Variants in ARHGAP35 observed in about 807,000 individuals in gnomAD.
ARHGAP35 encodes the protein Rho GTPase activating protein 35, also known as rho GTPase-activating protein 35.
A neutral mutation model predicts 111.1 loss-of-function variants in ARHGAP35; 15 were observed. That is an observed-to-expected ratio of 0.13 (90% CI 0.09 to 0.21). ARHGAP35 has a LOEUF of 0.21. ARHGAP35 is among the 10% of genes least tolerant of loss of function. The pLI is 1.00. For synonymous variants in ARHGAP35, 643 were observed against 710.3 expected (o/e 0.91, Z 1.51); for missense variants, 1,262 against 1,873.0 (o/e 0.67, Z 6.02).
At chr19:46,907,027 C>T (rs972858412) in intron 1 of ARHGAP35, among the ~76,000 whole-genome samples, 6 of 152,100 alleles carry the variant, frequency 3.9e-5, no homozygotes, top group African/African-American at 1.2e-4. Context: ...GAGGTTGAGG[C>T]TGCAGTGAGT....
At position 46,905,417 on chromosome 19, in the gene ARHGAP35, C is replaced by T. The variant is rs187077663; in HGVS notation, c.-188-13071C>T. ...AATAGATGGAGTCTCATTCTGTCAC[C>T]TAGGCTGGAGTGCAGTGGCGCGATC... On this transcript the variant is annotated intron_variant, in intron 1 of 6. Transcript: ENST00000672722. 6.5e-3 allele frequency among the ~76,000 whole-genome samples: 990 copies of T among 151,226 alleles called. 9 individuals are homozygous for T. The highest frequency in any genetic ancestry group is 8.8e-3 in the Non-Finnish European group (598 of 67,862).
intron 3 of ARHGAP35, among the ~76,000 whole-genome samples, chr19:46,939,030 A>G (rs1161801795): frequency 6.7e-6 from 1 of 148,664 alleles, no homozygotes; most frequent in Non-Finnish European, 1.5e-5. Flanking sequence ...AACCAGAGAA[A>G]TAATTCCCCC....
rs908324523 is a variant in ARHGAP35, at chr19:46,994,547, C to G, written c.4037-4757C>G. Among the ~76,000 whole-genome samples, 8 of 152,282 alleles carry G rather than the reference C, an allele frequency of 5.3e-5. No individual in the cohort carries two copies. In the South Asian group the frequency reaches 1.0e-3, roughly 20 times the overall value. ...GCGGGATAGCCCAGTCAGCACCGTG[C>G]TCAGCAAGTAGCAGCCAGCCAGAGG... On this transcript the variant is annotated intron_variant, in intron 5 of 6. Transcript: ENST00000672722. This position sits in a 1 kb window ranked among gnomAD's most constrained non-coding sequence, Gnocchi z 5.4.
At chr19:46,983,215 A>G (rs944188233) in intron 3 of ARHGAP35, among the ~76,000 whole-genome samples, 1 of 152,070 alleles carries the variant, frequency 6.6e-6, no homozygotes, top group Non-Finnish European at 1.5e-5. Context: ...TTTGAGCATC[A>G]TAGAAGAAGA....
At chr19:46,868,141 T>G (rs1295404275) in intron 1 of ARHGAP35, among the ~76,000 whole-genome samples, 1 of 152,228 alleles carries the variant, frequency 6.6e-6, no homozygotes. Context: ...GTGCTGGGAT[T>G]ACAGGTGTGA....
Position 46,919,569 on chromosome 19 carries a change from G to A in ARHGAP35, c.894G>A (p.Lys298=), listed in dbSNP as rs201324485. 6.3e-4 allele frequency: 1,016 copies of A among 1,613,926 alleles called. 2 individuals carry two copies. The highest frequency in any genetic ancestry group is 1.6e-4 in the Non-Finnish European group (194 of 1,179,888). ...AGAACTGGCTGAGTGTCAGCCGAAA[G>A]ATGCAGGCCTCTCCAGAATACCAGG... is the stretch of plus-strand genomic sequence containing the variant. The part of the protein sequence containing the change: ...HNENWLSVSR[K]MQASPEYQDY... The change falls in exon 2 of 7, where the codon AAG becomes AAA. Residue 298 remains lysine, a synonymous_variant. Transcript: ENST00000672722. This position sits in a 1 kb window ranked among gnomAD's most constrained non-coding sequence, Gnocchi z 6.2.
intron 1 of ARHGAP35, among the ~76,000 whole-genome samples, chr19:46,869,542 C>A (rs879470599): frequency 4.6e-5 from 7 of 150,652 alleles, no homozygotes; most frequent in Non-Finnish European, 7.4e-5. Flanking sequence ...TATATAGTTG[C>A]ATTGTGCTTT....
chr19:46,962,674 T>A (rs1177576851), intron 3 of ARHGAP35, among the ~76,000 whole-genome samples: 1 of 152,234 alleles, frequency 6.6e-6, no homozygotes, highest in Non-Finnish European at 1.5e-5. Context: ...TGGTGCGATC[T>A]TGGCTCATTG....
intron 3 of ARHGAP35, among the ~76,000 whole-genome samples, chr19:46,970,226 A>G (rs558130172): frequency 6.6e-6 from 1 of 152,258 alleles, no homozygotes; most frequent in South Asian, 2.1e-4. Context: ...GCCCTAAGCT[A>G]TTTCCATTGG....
At chr19:46,975,552 G>C (rs2056575363) in intron 3 of ARHGAP35, among the ~76,000 whole-genome samples, 3 of 152,192 alleles carry the variant, frequency 2.0e-5, no homozygotes, top group Admixed American at 2.0e-4. Context: ...CCAGAGGACA[G>C]TATTAATCTC....
At chr19:46,890,922 G>C (rs1235344571) in intron 1 of ARHGAP35, among the ~76,000 whole-genome samples, 1 of 152,212 alleles carries the variant, frequency 6.6e-6, no homozygotes, top group East Asian at 1.9e-4. Context: ...GGACTGGACT[G>C]TTTACTTACT....
chr19:46,889,750 CA>C (rs5828291), intron 1 of ARHGAP35, among the ~76,000 whole-genome samples: 54 of 85,242 alleles, frequency 6.3e-4, no homozygotes, highest in South Asian at 2.3e-3. Context: ...GACTCCGTCT[CA>C]AAAAAAAAAA....
At chr19:46,898,227 C>G (rs1025034836) in intron 1 of ARHGAP35, among the ~76,000 whole-genome samples, 13 of 147,748 alleles carry the variant, frequency 8.8e-5, no homozygotes, top group South Asian at 8.5e-4. Context: ...GGCTACAATG[C>G]GAGACTCCGT....
At chr19:46,973,351 G>A (rs763743038) in intron 3 of ARHGAP35, among the ~76,000 whole-genome samples, 7 of 151,616 alleles carry the variant, frequency 4.6e-5, no homozygotes, top group Non-Finnish European at 8.8e-5. Flanking sequence ...ATGACAGAGC[G>A]AGACTCCGTC....
At position 47,002,485 on chromosome 19, in the gene ARHGAP35, G is replaced by A. The variant is rs1308658104; in HGVS notation, c.*1797G>A. The A allele has an allele frequency of 6.6e-6, 1 of 152,240 alleles. No individual in the cohort carries two copies. Among genetic ancestry groups the A allele is most frequent in the East Asian group, 1.9e-4 (1 of 5,194 alleles). The allele number at this position is 152,240 out of a possible 1,614,324, so 9.4% of individuals were successfully genotyped here. A position where few individuals can be genotyped will look rare whatever the true frequency, so the allele number is the denominator to read the frequency against. On this transcript the variant is annotated 3_prime_UTR_variant, in exon 7 of 7. Transcript: ENST00000672722. ...TCAGGCGTGTTTTCTGTGAATGTTG[G>A]ATGATGAATTTTTGTCTCTTCTGGT...
rs111317638 is a variant in ARHGAP35, at chr19:46,916,380, A to G, written c.-188-2108A>G. Among the ~76,000 whole-genome samples the G allele has an allele frequency of 2.3e-3, 312 of 135,742 alleles. 9 individuals carry two copies. The highest frequency in any genetic ancestry group is 8.5e-3 in the African/African-American group (288 of 34,066). The allele number at this position is 135,742 out of a possible 152,430, so 89.1% of individuals were successfully genotyped here. ...TTTGCGGAGGGAAGGGTCTGTGCAC[A>G]CTCTGTCCCTCTGTCTTAAATGCAC... On this transcript the variant is annotated intron_variant, in intron 1 of 6. Coordinates refer to ENST00000672722, the MANE Select transcript of ARHGAP35 (RefSeq NM_004491.5).
Position 46,998,302 on chromosome 19 carries a change from C to T in ARHGAP35, c.4037-1002C>T, listed in dbSNP as rs557293742. On this transcript the variant is annotated intron_variant, in intron 5 of 6. Transcript: ENST00000672722. ...GGCCTCTCTTCACCACCCCCACAGC[C>T]GCCAGCTGTGAGGTCGCTGCCATCT... Among the ~76,000 whole-genome samples, 18 of 152,296 alleles carry T rather than the reference C, an allele frequency of 1.2e-4. No individual in the cohort carries two copies. In the South Asian group the frequency reaches 2.1e-3, roughly 18 times the overall value.
At position 46,921,816 on chromosome 19, in the gene ARHGAP35, C is replaced by T. The variant is rs2056202875; in HGVS notation, c.3141C>T (p.Val1047=). 6.2e-7 allele frequency: 1 copy of T among 1,613,948 alleles called. No homozygotes were observed. The highest frequency in any genetic ancestry group is 8.5e-7 in the Non-Finnish European group (1 of 1,179,882). Residue 1047 remains valine, a synonymous_variant, in exon 2 of 7, where the codon GTC becomes GTT. Coordinates refer to ENST00000672722, the MANE Select transcript of ARHGAP35 (RefSeq NM_004491.5). This position sits in a 1 kb window ranked among gnomAD's most constrained non-coding sequence, Gnocchi z 4.3. The stretch of plus-strand genomic sequence containing the variant: ...CGCCAGTCAAACCAAAGCCTCCTGT[C>T]CATTTTGAAATTACAAAGGGGGATC... The part of the protein sequence containing the change: ...VPPPVKPKPP[V]HFEITKGDLS...
intron 3 of ARHGAP35, among the ~76,000 whole-genome samples, chr19:46,960,916 C>A: frequency 7.0e-6 from 1 of 143,744 alleles, no homozygotes; most frequent in Non-Finnish European, 1.5e-5. Flanking sequence ...TTTTCAGAGA[C>A]GAAGTCTCAC....
Sources: allele counts gnomAD v4.1 joint callset (sites outside exome capture counted in the v4.1 genomes callset), GRCh38; gene constraint gnomAD v4.1.1; non-coding constraint Gnocchi (gnomAD v3.1); transcripts MANE v1.5; gene names NCBI Gene and HGNC (gene_info 2026-07-23, HGNC 2026-07-21).